Variants in RYR1 observed in about 807,000 individuals in gnomAD.
RYR1 encodes the protein ryanodine receptor 1.
A neutral mutation model predicts 583.5 loss-of-function variants in RYR1; 342 were observed. The observed-to-expected ratio is 0.59, with a 90% CI of 0.54 to 0.64. The LOEUF (loss-of-function observed/expected upper bound fraction) is 0.64. Ranked by LOEUF, RYR1 falls within the 30% of genes least tolerant of loss-of-function variation. RYR1 has a pLI of 0.00. For missense variants in RYR1, 6,032 were observed against 6,917.2 expected (o/e 0.87, Z 4.54); for synonymous variants, 2,791 against 2,822.5 (o/e 0.99, Z 0.35).
At position 38,536,019 on chromosome 19, in the gene RYR1, G is replaced by C. The variant is rs756686928; in HGVS notation, c.11539G>C (p.Glu3847Gln). Residue 3847 changes from glutamate to glutamine, a missense_variant, in exon 82 of 106, where the codon GAG becomes CAG. Coordinates refer to ENST00000359596, the MANE Select transcript of RYR1 (RefSeq NM_000540.3). ...CAGCGTCCTGGATCTCAATGCCTTT[G>C]AGAGACAGAACAAGGCCGAGGGGCT... Reference protein sequence around the residue: ...TCSVLDLNAFERQNKAEGLGM... With the variant: ...TCSVLDLNAFQRQNKAEGLGM... The C allele has an allele frequency of 2.5e-6, 4 of 1,613,836 alleles. No homozygotes were observed. In the African/African-American group the frequency reaches 5.3e-5, roughly 22 times the overall value.
chr19:38,439,196 T>C (rs1735860275), intron 1 of RYR1, among the ~76,000 whole-genome samples: 1 of 152,022 alleles, frequency 6.6e-6, no homozygotes, highest in Admixed American at 6.6e-5. Flanking sequence ...ATTTTTTTTT[T>C]TGTTTGTTTT....
rs567288676 is a variant in RYR1 at position 38,570,880 on chromosome 19, A to G, written c.13746+187A>G. Reference sequence around the variant, plus strand: ...CCCTCCATGGGGGTGAGTAGGGGATATCTGGATCCATCTGGGACAGAAGCC... The same window carrying G: ...CCCTCCATGGGGGTGAGTAGGGGATGTCTGGATCCATCTGGGACAGAAGCC... On this transcript the variant is annotated intron_variant, in intron 94 of 105. Transcript: ENST00000359596. Among the ~76,000 whole-genome samples, 17 of 152,290 alleles carry G rather than the reference A, an allele frequency of 1.1e-4. No homozygotes were observed. The South Asian group carries it at 2.7e-3, about 24-fold the overall frequency.
chr19:38,587,274 C>G, intron 105 of RYR1, 51 bp from the exon 106 acceptor site: 1 of 1,208,488 alleles, frequency 8.3e-7, no homozygotes, highest in Non-Finnish European at 1.2e-6. Context: ...ATATATATGT[C>G]TCAAGGGTTT....
At chr19:38,503,036 A>C in intron 49 of RYR1, 66 bp downstream of exon 49, 1 of 1,492,346 alleles carries the variant, frequency 6.7e-7, no homozygotes, top group East Asian at 2.3e-5. Context: ...CTTCCCTCCT[A>C]CTGCGGGGCT....
At chr19:38,520,161 G>T (rs1015047133) in intron 67 of RYR1, among the ~76,000 whole-genome samples, 1 of 149,382 alleles carries the variant, frequency 6.7e-6, no homozygotes, top group Non-Finnish European at 1.5e-5. Flanking sequence ...CTGCAGCCTC[G>T]GTTCCTGGGT....
At chr19:38,582,476 CATT>C (rs1044701886) in intron 101 of RYR1, among the ~76,000 whole-genome samples, 1 of 151,762 alleles carries the variant, frequency 6.6e-6, no homozygotes, top group Non-Finnish European at 1.5e-5. Flanking sequence ...CTTCTATCAT[CATT>C]ATCCACAATT....
rs373387527 is a variant in RYR1 at position 38,580,499 on chromosome 19, A to T, written c.14641A>T (p.Met4881Leu). ...ACCTGACATGAAGTGTGATGACATG[A>T]TGACGGTGAGCCCCTCCCCTAGCAC... is the stretch of plus-strand genomic sequence containing the variant. ...DEPDMKCDDM[M>L]TCYLFHMYVG... is the part of the protein sequence containing the mutation. The change falls in exon 101 of 106, where the codon ATG becomes TTG. Residue 4881 changes from methionine (M) to leucine (L), a missense_variant. Coordinates refer to ENST00000359596, the MANE Select transcript of RYR1 (RefSeq NM_000540.3). The T allele has an allele frequency of 6.2e-7, 1 of 1,613,936 alleles. No homozygotes were observed. Among genetic ancestry groups the T allele is most frequent in the African/African-American group, 1.3e-5 (1 of 74,900 alleles).
chr19:38,443,587 C>T lies in RYR1; in HGVS notation c.300C>T (p.Leu100=), dbSNP rs1342502384. ...CCCAGGGCGGGGGACACAGGACGCT[C>T]CTGTATGGCCATGCCATCCTGCTCC... ...ESSQGGGHRT[L]LYGHAILLRH... Residue 100 remains leucine (L), a synonymous_variant, in exon 4 of 106, where the codon CTC becomes CTT. Coordinates refer to ENST00000359596, the MANE Select transcript of RYR1 (RefSeq NM_000540.3). 4.3e-6 allele frequency: 7 copies of T among 1,614,000 alleles called. No individual in the cohort carries two copies. The highest frequency in any genetic ancestry group is 5.1e-6 in the Non-Finnish European group (6 of 1,179,992).
At chr19:38,577,868 C>T in intron 97 of RYR1, 50 bp from the exon 98 acceptor site, 1 of 1,611,816 alleles carries the variant, frequency 6.2e-7, no homozygotes. Context: ...GGCCACGACA[C>T]ACACCCACAC....
chr19:38,570,358 A>C (rs538400847), intron 93 of RYR1, among the ~76,000 whole-genome samples: 1 of 150,860 alleles, frequency 6.6e-6, no homozygotes, highest in South Asian at 2.1e-4. Flanking sequence ...AGGCGGCAGC[A>C]GAGGAATTGC....
rs767125401 is a variant in RYR1, at chr19:38,528,932, G to A, written c.11035-19G>A. The A allele has an allele frequency of 6.2e-7, 1 of 1,603,280 alleles. No homozygotes were observed. ...GGGACTCTAGAAACCCTCTCCCCAA[G>A]TCTCCCCTCTCCCACCAGAAAGCTG... On this transcript the variant is annotated intron_variant, in intron 75 of 105. Coordinates refer to ENST00000359596, the MANE Select transcript of RYR1 (RefSeq NM_000540.3).
chr19:38,527,045 A>G lies in RYR1; in HGVS notation c.10679A>G (p.Gln3560Arg), dbSNP rs1316550195. 2 of 1,613,796 alleles carry G rather than the reference A, an allele frequency of 1.2e-6. No individual in the cohort carries two copies. The highest frequency in any genetic ancestry group is 4.5e-5 in the East Asian group (2 of 44,874). Residue 3560 changes from glutamine to arginine, a missense_variant, in exon 72 of 106, where the codon CAG (glutamine) becomes CGG (arginine). Gln to Arg is a conservative substitution (Grantham distance 43, BLOSUM62 1). This residue lies in a region of RYR1 where 1,493 missense variants were observed against 1,715.5 expected (regional missense o/e 0.87). Transcript: ENST00000359596. ...REFLHNNLHL[Q>R]GKVEGSPSLR... ...TTTCTGCACAACAACCTTCACCTTC[A>G]GGGAAAGGTATGCCTCCTTCCTCTG...
At chr19:38,501,689 G>A (rs905108714) in intron 47 of RYR1, among the ~76,000 whole-genome samples, 18 of 152,156 alleles carry the variant, frequency 1.2e-4, no homozygotes, top group African/African-American at 3.6e-4. Context: ...TTCCGAGAGG[G>A]GGTTTAAGAG....
In RYR1 at chr19:38,565,075, C is replaced by A. The variant is rs80039127; in HGVS notation, c.12741C>A (p.Ala4247=). 5 of 1,559,908 alleles carry A rather than the reference C, an allele frequency of 3.2e-6. No homozygotes were observed. In the Admixed American group the frequency reaches 7.6e-5, roughly 24 times the overall value. The change falls in exon 91 of 106, where the codon GCC becomes GCA. Residue 4247 remains alanine, a synonymous_variant. Coordinates refer to ENST00000359596, the MANE Select transcript of RYR1 (RefSeq NM_000540.3). This position sits in a 1 kb window ranked among gnomAD's most constrained non-coding sequence, Gnocchi z 4.7. The stretch of plus-strand genomic sequence containing the variant: ...ACACCATCTTCGAGATGCAGATCGC[C>A]GCGCAGATCTCGGAGCCCGAGGGCG... The part of the protein sequence containing the change: ...CEDTIFEMQI[A]AQISEPEGEP...
In RYR1 at chr19:38,576,103, A is replaced by T. The variant is rs1045871979; in HGVS notation, c.14172+142A>T. On this transcript the variant is annotated intron_variant, in intron 97 of 105. Coordinates refer to ENST00000359596, the MANE Select transcript of RYR1 (RefSeq NM_000540.3). ...TTCTGAGTAGCACCTCAGTTTCCCCATGGGGAGATGGGCATAGTAAGCTTG... is the reference window on the plus strand; with the variant it reads ...TTCTGAGTAGCACCTCAGTTTCCCCTTGGGGAGATGGGCATAGTAAGCTTG... The T allele has an allele frequency of 1.5e-5, 13 of 842,926 alleles. No homozygotes were observed. In the African/African-American group the frequency reaches 2.0e-4, roughly 13 times the overall value. 52.2% of individuals were successfully genotyped at this position (842,926 alleles called of 1,614,324 possible).
At position 38,565,639 on chromosome 19, in the gene RYR1, C is replaced by CGGGGCG. The variant is rs2145847208; in HGVS notation, c.13307_13312dup (p.Gly4436_Ala4437dup). On this transcript the variant is annotated inframe_insertion, in exon 91 of 106. Transcript: ENST00000359596. The surrounding 1 kb of genome is among the most constrained non-coding windows in gnomAD (Gnocchi z 4.7). The stretch of plus-strand genomic sequence containing the variant: ...ACGAGGCCGGGCCGGGCGGTGCCGA[C>CGGGGCG]GGGGCGGTGGCCGTGACCGATGGGG... 1.4e-6 allele frequency: 2 copies of CGGGGCG among 1,393,126 alleles called. No homozygotes were observed. The highest frequency in any genetic ancestry group is 1.8e-6 in the Non-Finnish European group (2 of 1,084,418). The allele number at this position is 1,393,126 out of a possible 1,614,324, so 86.3% of individuals were successfully genotyped here. A position where few individuals can be genotyped will look rare whatever the true frequency, so the allele number is the denominator to read the frequency against.
At chr19:38,537,246 T>C (rs1324911129) in intron 83 of RYR1, 1 of 231,632 alleles carries the variant, frequency 4.3e-6, no homozygotes, top group Non-Finnish European at 8.6e-6. Flanking sequence ...CCTCTGCGCC[T>C]GCCTCCTCTG....
intron 99 of RYR1, 24 bp from the exon 100 acceptor site, chr19:38,579,958 A>AC: frequency 6.2e-7 from 1 of 1,613,492 alleles, no homozygotes. Context: ...CTTCCCCCTG[A>AC]CCCCTGGCCC....
chr19:38,463,867 G>T lies in RYR1; in HGVS notation c.2786+17G>T. 1 of 1,605,964 alleles carries T rather than the reference G, an allele frequency of 6.2e-7. No homozygotes were observed. The highest frequency in any genetic ancestry group is 1.1e-5 in the South Asian group (1 of 90,928). On this transcript the variant is annotated intron_variant, in intron 22 of 105. Coordinates refer to ENST00000359596, the MANE Select transcript of RYR1 (RefSeq NM_000540.3). ...GACGCTCAAGTGAGGGCCCAGGGGA[G>T]CCGGGGGTTGGGGCTGGCTGCTGGT...
Sources: gnomAD v4.1 joint callset for allele counts (sites outside exome capture counted in the v4.1 genomes callset) on GRCh38, gnomAD v4.1.1 for gene constraint, gnomAD v4.1.1 regional missense constraint, Gnocchi (gnomAD v3.1) non-coding constraint, MANE v1.5 for transcripts, NCBI Gene and HGNC (gene_info 2026-07-23, HGNC 2026-07-21) for gene names.